VAV2: variants seen among roughly 807,000 people sequenced by gnomAD.
VAV2 encodes guanine nucleotide exchange factor VAV2.
A neutral mutation model predicts 132.5 loss-of-function variants in VAV2; 67 were observed. The ratio of observed to expected loss-of-function variants is 0.51; its 90% CI spans 0.42 to 0.62. The LOEUF is 0.62. Among genes scored for constraint, VAV2 ranks in the 20% least tolerant of loss-of-function variants. VAV2 has a pLI of 0.00. For synonymous variants in VAV2, 492 were observed against 443.5 expected (o/e 1.11, Z -1.37); for missense variants, 938 against 1,153.6 (o/e 0.81, Z 2.71).
chr9:133,924,887 A>T (rs766241386), intron 2 of VAV2, among the ~76,000 whole-genome samples: 1 of 152,246 alleles, frequency 6.6e-6, no homozygotes, highest in Non-Finnish European at 1.5e-5. Flanking sequence ...ATTCAGTCAC[A>T]AAAAGGAATG....
intron 1 of VAV2, among the ~76,000 whole-genome samples, chr9:133,968,331 G>A (rs1026155740): frequency 6.6e-6 from 1 of 152,002 alleles, no homozygotes; most frequent in Non-Finnish European, 1.5e-5. Flanking sequence ...TGGCATATGT[G>A]TATCAAAGTG....
intron 4 of VAV2, among the ~76,000 whole-genome samples, chr9:133,821,978 A>G (rs1835805610): frequency 6.6e-6 from 1 of 152,150 alleles, no homozygotes; most frequent in South Asian, 2.1e-4. Flanking sequence ...TTGTCCTCAC[A>G]ATAGCTTGAA....
At chr9:133,900,924 C>T (rs945246736) in intron 2 of VAV2, among the ~76,000 whole-genome samples, 1 of 151,922 alleles carries the variant, frequency 6.6e-6, no homozygotes, top group African/African-American at 2.4e-5. Flanking sequence ...TCAGCTCCCC[C>T]GAGAAGCTGG....
rs920409256 is a variant in VAV2, at chr9:133,935,418, C to T, written c.321+3685G>A. Among the ~76,000 whole-genome samples the T allele has an allele frequency of 2.6e-5, 4 of 152,148 alleles. No individual in the cohort carries two copies. Among genetic ancestry groups the T allele is most frequent in the African/African-American group, 9.7e-5 (4 of 41,428 alleles). Reference sequence around the variant, plus strand: ...CCTTGTGGTCAACAAGCTGGGAGTCCGGGAGGCCAGAGACCAGCAGCCTCG... The same window carrying T: ...CCTTGTGGTCAACAAGCTGGGAGTCTGGGAGGCCAGAGACCAGCAGCCTCG... On this transcript the variant is annotated intron_variant, in intron 2 of 29. Transcript: ENST00000371850. This position sits in a 1 kb window ranked among gnomAD's most constrained non-coding sequence, Gnocchi z 5.2.
At chr9:133,814,477 G>T (rs1002440624) in intron 4 of VAV2, among the ~76,000 whole-genome samples, 9 of 152,266 alleles carry the variant, frequency 5.9e-5, no homozygotes, top group Non-Finnish European at 7.3e-5. Flanking sequence ...GAAGCTTCCA[G>T]GCTGCTGAAC....
At chr9:133,982,921 A>G (rs1842743082) in intron 1 of VAV2, among the ~76,000 whole-genome samples, 2 of 152,128 alleles carry the variant, frequency 1.3e-5, no homozygotes, top group Non-Finnish European at 2.9e-5. Flanking sequence ...TCGTGCTGCA[A>G]GGGGAGAGTT....
At chr9:133,843,076 C>G (rs972925431) in intron 3 of VAV2, among the ~76,000 whole-genome samples, 9 of 152,174 alleles carry the variant, frequency 5.9e-5, no homozygotes, top group Non-Finnish European at 1.0e-4. Flanking sequence ...TTCCTCAGCG[C>G]GCCATCCCAC....
rs1840488262 is a variant in VAV2, at chr9:133,926,566, C to T, written c.321+12537G>A. 6.6e-6 allele frequency among the ~76,000 whole-genome samples: 1 copy of T among 152,152 alleles called. No homozygotes were observed. The highest frequency in any genetic ancestry group is 1.5e-5 in the Non-Finnish European group (1 of 68,024). On this transcript the variant is annotated intron_variant, in intron 2 of 29. Coordinates refer to ENST00000371850, the MANE Select transcript of VAV2 (RefSeq NM_001134398.2). The surrounding 1 kb of genome is among the most constrained non-coding windows in gnomAD (Gnocchi z 4.3). ...ACTCCAAGCAGACCTCCCTTCTAAA[C>T]CTGAGCAGGCCAGGCCACCGCCACC...
In VAV2 at chr9:133,788,252, C is replaced by A; in HGVS notation, c.1407+102G>T. On this transcript the variant is annotated intron_variant, in intron 15 of 29. Transcript: ENST00000371850. This position sits in a 1 kb window ranked among gnomAD's most constrained non-coding sequence, Gnocchi z 5.3. The stretch of plus-strand genomic sequence containing the variant: ...CCCCAACCCACCCGGCCAGCATCAG[C>A]GGCTGACTTCGAGTCCCCTTCCCCT... The A allele has an allele frequency of 7.5e-7, 1 of 1,337,740 alleles. No individual in the cohort carries two copies. Among genetic ancestry groups the A allele is most frequent in the Admixed American group, 2.0e-5 (1 of 50,962 alleles). 82.9% of individuals were successfully genotyped at this position (1,337,740 alleles called of 1,614,324 possible). A position where few individuals can be genotyped will look rare whatever the true frequency, so the allele number is the denominator to read the frequency against.
At chr9:133,913,573 G>A (rs879257403) in intron 2 of VAV2, among the ~76,000 whole-genome samples, 11 of 152,228 alleles carry the variant, frequency 7.2e-5, no homozygotes, top group Non-Finnish European at 1.2e-4. Flanking sequence ...CAGAGCCTGC[G>A]CACATGGTCC....
At chr9:133,917,040 C>T (rs1342970117) in intron 2 of VAV2, among the ~76,000 whole-genome samples, 1 of 152,182 alleles carries the variant, frequency 6.6e-6, no homozygotes, top group Admixed American at 6.5e-5. Flanking sequence ...GGGTCCTGTC[C>T]CCTGTACATC....
In VAV2 at chr9:133,992,017, C is replaced by T; in HGVS notation, c.204+58G>A. ...CGCTGCGACCTCCGCGTTCAGTCCG[C>T]GCGTCGGGCAGCGCGAACGCCGCCT... On this transcript the variant is annotated intron_variant, in intron 1 of 29. Coordinates refer to ENST00000371850, the MANE Select transcript of VAV2 (RefSeq NM_001134398.2). This position sits in a 1 kb window ranked among gnomAD's most constrained non-coding sequence, Gnocchi z 5.5. The T allele has an allele frequency of 7.2e-7, 1 of 1,391,358 alleles. No individual in the cohort carries two copies. The highest frequency in any genetic ancestry group is 9.4e-7 in the Non-Finnish European group (1 of 1,061,228). The allele number at this position is 1,391,358 out of a possible 1,614,324, so 86.2% of individuals were successfully genotyped here.
intron 2 of VAV2, among the ~76,000 whole-genome samples, chr9:133,895,967 T>G (rs1285646005): frequency 1.3e-5 from 1 of 78,216 alleles, no homozygotes; most frequent in Non-Finnish European, 2.6e-5. Context: ...CATTCTTGGG[T>G]GTTTCTCGCA....
chr9:133,896,776 G>C (rs2131995461), intron 2 of VAV2, among the ~76,000 whole-genome samples: 1 of 152,096 alleles, frequency 6.6e-6, no homozygotes, highest in East Asian at 1.9e-4. Flanking sequence ...TTCTTTTCTT[G>C]TCTTTTGCTT....
intron 21 of VAV2, 44 bp downstream of exon 21, chr9:133,779,874 G>A: frequency 6.2e-7 from 1 of 1,603,576 alleles, no homozygotes; most frequent in East Asian, 2.2e-5. Context: ...CCAGGTGATG[G>A]CTGACATGGG....
At chr9:133,947,915 G>C (rs1283579037) in intron 1 of VAV2, among the ~76,000 whole-genome samples, 2 of 151,744 alleles carry the variant, frequency 1.3e-5, no homozygotes, top group East Asian at 4.0e-4. Context: ...TCAGCCTCCC[G>C]AGCAGCTGGG....
rs866020703 is a variant in VAV2 at position 133,955,390 on chromosome 9, G to A, written c.205-16171C>T. On this transcript the variant is annotated intron_variant, in intron 1 of 29. Coordinates refer to ENST00000371850, the MANE Select transcript of VAV2 (RefSeq NM_001134398.2). ...ACACTCCTCCTTACTCCCCGCCCACGCTCCTCCCCACTCCCCACACTCCTC... is the reference window on the plus strand; with the variant it reads ...ACACTCCTCCTTACTCCCCGCCCACACTCCTCCCCACTCCCCACACTCCTC... Among the ~76,000 whole-genome samples the A allele has an allele frequency of 4.4e-5, 6 of 135,906 alleles. No individual in the cohort carries two copies. In the East Asian group the frequency reaches 1.1e-3, roughly 25 times the overall value. The allele number at this position is 135,906 out of a possible 152,430, so 89.2% of individuals were successfully genotyped here. A position where few individuals can be genotyped will look rare whatever the true frequency, so the allele number is the denominator to read the frequency against.
intron 2 of VAV2, among the ~76,000 whole-genome samples, chr9:133,876,950 G>A (rs1838289020): frequency 6.6e-6 from 1 of 152,162 alleles, no homozygotes; most frequent in Non-Finnish European, 1.5e-5. Flanking sequence ...GCCAGCTACA[G>A]AGGGGAAGGC....
intron 2 of VAV2, among the ~76,000 whole-genome samples, chr9:133,938,689 T>G (rs368761782): frequency 8.7e-4 from 133 of 152,110 alleles, no homozygotes; most frequent in African/African-American, 2.9e-3. Context: ...TTTCCCCTCC[T>G]CATCTCCCCA....
Sources: gnomAD v4.1 joint callset for allele counts (sites outside exome capture counted in the v4.1 genomes callset) on GRCh38, gnomAD v4.1.1 for gene constraint, Gnocchi (gnomAD v3.1) non-coding constraint, MANE v1.5 for transcripts, NCBI Gene and HGNC (gene_info 2026-07-23, HGNC 2026-07-21) for gene names.